ALDH1L2: variants seen among roughly 807,000 people sequenced by gnomAD.
The protein encoded by ALDH1L2 is mitochondrial 10-formyltetrahydrofolate dehydrogenase.
ALDH1L2 carries 91 observed loss-of-function variants against 111.0 expected under a neutral mutation model. The ratio of observed to expected loss-of-function variants is 0.82; its 90% CI spans 0.69 to 0.98. ALDH1L2 has a LOEUF of 0.98. Ranked by LOEUF, ALDH1L2 falls within the 50% of genes least tolerant of loss-of-function variation. The pLI, the probability that ALDH1L2 is intolerant of heterozygous loss-of-function variation, is 0.00. For synonymous variants in ALDH1L2, 374 were observed against 392.6 expected, an observed-to-expected ratio of 0.95 and a Z score of 0.56; for missense variants, 995 against 1,126.8, an observed-to-expected ratio of 0.88 and a Z score of 1.67.
chr12:105,079,906 A>G (rs1878257937), intron 1 of ALDH1L2, among the ~76,000 whole-genome samples: 1 of 152,232 alleles, frequency 6.6e-6, no homozygotes, highest in African/African-American at 2.4e-5. Flanking sequence ...TTGTATTTCC[A>G]AAAATAATTC....
intron 20 of ALDH1L2, among the ~76,000 whole-genome samples, chr12:105,031,471 CTTTGTTTTAT>C (rs1008820719): frequency 3.3e-5 from 5 of 149,990 alleles, no homozygotes; most frequent in Admixed American, 1.3e-4. Flanking sequence ...GTCTCCCCTT[CTTTGTTTTAT>C]TTTGTTTTGT....
At chr12:105,029,214 T>C (rs575650465) in intron 21 of ALDH1L2, among the ~76,000 whole-genome samples, 2 of 152,192 alleles carry the variant, frequency 1.3e-5, no homozygotes, top group Admixed American at 1.3e-4. Flanking sequence ...AAAATTTTTG[T>C]AGAGACAGGG....
At chr12:105,070,511 A>G in intron 3 of ALDH1L2, 59 bp downstream of exon 3, 1 of 1,380,284 alleles carries the variant, frequency 7.2e-7, no homozygotes, top group Non-Finnish European at 9.9e-7. Context: ...TTGAACCCAG[A>G]CTGGGCAACA....
intron 9 of ALDH1L2, among the ~76,000 whole-genome samples, chr12:105,059,403 TC>T (rs1260357400): frequency 6.6e-6 from 1 of 151,400 alleles, no homozygotes; most frequent in Non-Finnish European, 1.5e-5. Context: ...AGGATGGCTA[TC>T]CCAGGAGTGC....
rs535273628 is a variant in ALDH1L2 at position 105,037,760 on chromosome 12, ATT to A, written c.2145+341_2145+342del. Among the ~76,000 whole-genome samples the A allele has an allele frequency of 4.2e-5, 6 of 141,366 alleles. No homozygotes were observed. The East Asian group carries it at 1.3e-3, about 30-fold the overall frequency. The allele number at this position is 141,366 out of a possible 152,430, so 92.7% of individuals were successfully genotyped here. On this transcript the variant is annotated intron_variant, in intron 18 of 22. Coordinates refer to ENST00000258494, the MANE Select transcript of ALDH1L2 (RefSeq NM_001034173.4). ...AAATGTGTTTTAGAAGCAAGCACCT[ATT>A]TTTTTTTCTTTTTTTTTTTTGAGAC...
At chr12:105,039,482 A>G (rs1875389152) in intron 17 of ALDH1L2, among the ~76,000 whole-genome samples, 1 of 152,222 alleles carries the variant, frequency 6.6e-6, no homozygotes, top group Non-Finnish European at 1.5e-5. Context: ...AATTGTTAAA[A>G]CTACCAGTAG....
At chr12:105,067,130 G>A (rs1323202636) in intron 4 of ALDH1L2, among the ~76,000 whole-genome samples, 1 of 150,578 alleles carries the variant, frequency 6.6e-6, no homozygotes, top group Non-Finnish European at 1.5e-5. Flanking sequence ...GCAGGAGAAT[G>A]GCGTGAACCC....
chr12:105,077,577 C>T (rs1812396209), intron 1 of ALDH1L2, among the ~76,000 whole-genome samples: 1 of 151,968 alleles, frequency 6.6e-6, no homozygotes, highest in South Asian at 2.1e-4. Flanking sequence ...CCACGCCCGA[C>T]CTTGTTTCTT....
At chr12:105,024,557 T>C in intron 22 of ALDH1L2, 78 bp from the exon 23 acceptor site, 1 of 1,396,094 alleles carries the variant, frequency 7.2e-7, no homozygotes, top group Non-Finnish European at 1.0e-6. Flanking sequence ...GACATAGGTA[T>C]ACGTAGGTGT....
chr12:105,040,589 G>A lies in ALDH1L2; in HGVS notation c.1951+18C>T, dbSNP rs371507655. 150 of 1,612,366 alleles carry A rather than the reference G, an allele frequency of 9.3e-5. No individual in the cohort carries two copies. The highest frequency in any genetic ancestry group is 1.2e-4 in the Non-Finnish European group (137 of 1,178,572). On this transcript the variant is annotated intron_variant, in intron 16 of 22. Transcript: ENST00000258494. Reference sequence around the variant, plus strand: ...ACCATTCATTAGTTATAGCACAGTCGGTCATTTAGTGGCTTACCTGAGCCT... The same window carrying A: ...ACCATTCATTAGTTATAGCACAGTCAGTCATTTAGTGGCTTACCTGAGCCT...
chr12:105,040,151 A>AC, intron 16 of ALDH1L2, among the ~76,000 whole-genome samples: 1 of 149,218 alleles, frequency 6.7e-6, no homozygotes, highest in Non-Finnish European at 1.5e-5. Context: ...AAAAAAAAAA[A>AC]ACCTTACTCA....
intron 2 of ALDH1L2, 168 bp downstream of exon 2, chr12:105,073,693 T>A (rs755617572): frequency 3.4e-5 from 30 of 890,344 alleles, no homozygotes; most frequent in Non-Finnish European, 5.0e-5. Context: ...ATATGGATTA[T>A]GCCCTTAATA....
At chr12:105,050,546 A>C (rs1451183886) in intron 12 of ALDH1L2, 1 of 347,422 alleles carries the variant, frequency 2.9e-6, no homozygotes, top group African/African-American at 2.2e-5. Context: ...TGACTATGAT[A>C]CGGTAAGACT....
At chr12:105,079,311 G>A (rs887061515) in intron 1 of ALDH1L2, among the ~76,000 whole-genome samples, 1 of 152,214 alleles carries the variant, frequency 6.6e-6, no homozygotes, top group Admixed American at 6.5e-5. Flanking sequence ...CAAGATTCAG[G>A]ATACCATCCT....
intron 12 of ALDH1L2, chr12:105,050,848 C>G (rs1189406857): frequency 4.0e-6 from 1 of 253,048 alleles, no homozygotes; most frequent in African/African-American, 2.3e-5. Flanking sequence ...GAAAGACTTG[C>G]CCCCATGATT....
intron 1 of ALDH1L2, among the ~76,000 whole-genome samples, chr12:105,077,760 G>C (rs1187114070): frequency 1.4e-5 from 2 of 146,542 alleles, no homozygotes; most frequent in Non-Finnish European, 1.5e-5. Flanking sequence ...AAAAAAAAAG[G>C]TACACATAGC....
At chr12:105,065,201 C>A in intron 6 of ALDH1L2, 66 bp downstream of exon 6, 1 of 1,130,516 alleles carries the variant, frequency 8.8e-7, no homozygotes, top group Non-Finnish European at 1.3e-6. Context: ...CCAGATTTAT[C>A]TGTAATATCT....
In ALDH1L2 at chr12:105,036,435, TA is replaced by T. The variant is rs1483938303; in HGVS notation, c.2145+1667del. Among the ~76,000 whole-genome samples the T allele has an allele frequency of 2.7e-5, 3 of 111,074 alleles. 1 individual carries two copies. Among genetic ancestry groups the T allele is most frequent in the Non-Finnish European group, 5.4e-5 (3 of 55,344 alleles). 72.9% of individuals were successfully genotyped at this position (111,074 alleles called of 152,430 possible). ...ATACGTATATTTATATATGTGTATA[TA>T]TTATATATATCCATATATATGTGTG... On this transcript the variant is annotated intron_variant, in intron 18 of 22. Coordinates refer to ENST00000258494, the MANE Select transcript of ALDH1L2 (RefSeq NM_001034173.4).
At position 105,074,457 on chromosome 12, in the gene ALDH1L2, C is replaced by CAAAAA. The variant is rs1565974203; in HGVS notation, c.49-453_49-452insTTTTT. On this transcript the variant is annotated intron_variant, in intron 1 of 22. Coordinates refer to ENST00000258494, the MANE Select transcript of ALDH1L2 (RefSeq NM_001034173.4). ...TGAGTGACAGAGCAAGACTCTGTCT[C>CAAAAA]CAAAAAAAAAAAAAAAAAAAAAAAA... Among the ~76,000 whole-genome samples the CAAAAA allele has an allele frequency of 8.3e-3, 764 of 92,192 alleles. 11 individuals carry two copies. The highest frequency in any genetic ancestry group is 0.011 in the Non-Finnish European group (568 of 51,504). The allele number at this position is 92,192 out of a possible 152,430, so 60.5% of individuals were successfully genotyped here.
Sources: allele counts gnomAD v4.1 joint callset (sites outside exome capture counted in the v4.1 genomes callset), GRCh38; gene constraint gnomAD v4.1.1; transcripts MANE v1.5; gene names NCBI Gene and HGNC (gene_info 2026-07-23, HGNC 2026-07-21).